The following ZNF880 variants were observed in gnomAD, a reference collection of about 807,000 sequenced individuals.
The protein encoded by ZNF880 is zinc finger protein LOC400713.
Under a neutral mutation model 11.8 loss-of-function variants are expected in ZNF880, and 12 were observed. That is an observed-to-expected ratio of 1.02 (90% CI 0.65 to 1.65). The LOEUF (loss-of-function observed/expected upper bound fraction) is 1.65. Among genes scored for constraint, ZNF880 ranks in the 40% most tolerant of loss-of-function variants. The pLI is 0.00. For missense variants in ZNF880, 601 were observed against 673.9 expected (o/e 0.89, Z 1.20); for synonymous variants, 210 against 232.4 (o/e 0.90, Z 0.88).
chr19:52,384,284 C>G lies in ZNF880; in HGVS notation c.704C>G (p.Thr235Ser). ...SNLVQHQRIH[T>S]GEKPYKCHEC... ...CTTGTACAACATCAAAGAATTCATACTGGAGAGAAGCCTTACAAGTGTCAT... is the reference window on the plus strand; with the variant it reads ...CTTGTACAACATCAAAGAATTCATAGTGGAGAGAAGCCTTACAAGTGTCAT... The change falls in exon 4 of 4, where the codon ACT (threonine) becomes AGT (serine). Residue 235 changes from threonine (T) to serine (S), a missense_variant. Transcript: ENST00000422689. 1 of 1,610,674 alleles carries G rather than the reference C, an allele frequency of 6.2e-7. No homozygotes were observed. Among genetic ancestry groups the G allele is most frequent in the African/African-American group, 1.3e-5 (1 of 74,130 alleles).
chr19:52,382,555 C>T (rs1600251047), intron 3 of ZNF880, among the ~76,000 whole-genome samples: 1 of 151,956 alleles, frequency 6.6e-6, no homozygotes, highest in South Asian at 2.1e-4. Context: ...ATATAGTATT[C>T]TTGGTTGATA....
At position 52,385,688 on chromosome 19, in the gene ZNF880, T is replaced by C; in HGVS notation, c.*374T>C. 5.4e-6 allele frequency: 1 copy of C among 185,074 alleles called. No individual in the cohort carries two copies. The highest frequency in any genetic ancestry group is 1.2e-4 in the South Asian group (1 of 8,270). The allele number at this position is 185,074 out of a possible 1,614,324, so 11.5% of individuals were successfully genotyped here. A position where few individuals can be genotyped will look rare whatever the true frequency, so the allele number is the denominator to read the frequency against. ...GCTGCAGAAAAGTCACAGCTCCAAA[T>C]ACGTTGAATCTCATGACGCGATGCA... On this transcript the variant is annotated 3_prime_UTR_variant, in exon 4 of 4. Transcript: ENST00000422689.
chr19:52,376,433 CAT>C (rs1227849360), intron 3 of ZNF880, among the ~76,000 whole-genome samples: 1 of 147,574 alleles, frequency 6.8e-6, no homozygotes, highest in Non-Finnish European at 1.5e-5. Context: ...AGTCTTTCTT[CAT>C]ATGTTTGTTG....
Position 52,385,423 on chromosome 19 carries a change from G to C in ZNF880, c.*109G>C, listed in dbSNP as rs904537401. 6.5e-6 allele frequency: 8 copies of C among 1,221,804 alleles called. No homozygotes were observed. In the Admixed American group the frequency reaches 1.0e-4, roughly 16 times the overall value. 75.7% of individuals were successfully genotyped at this position (1,221,804 alleles called of 1,614,324 possible). A position where few individuals can be genotyped will look rare whatever the true frequency, so the allele number is the denominator to read the frequency against. ...GAGTATGGCAAACTCTTCATGCTAAGTTCTAGCATTAATCAACATCAGAGA... is the reference window on the plus strand; with the variant it reads ...GAGTATGGCAAACTCTTCATGCTAACTTCTAGCATTAATCAACATCAGAGA... On this transcript the variant is annotated 3_prime_UTR_variant, in exon 4 of 4. Transcript: ENST00000422689.
chr19:52,383,131 A>T (rs1356958826), intron 3 of ZNF880, among the ~76,000 whole-genome samples: 4 of 152,148 alleles, frequency 2.6e-5, no homozygotes, highest in African/African-American at 9.7e-5. Flanking sequence ...TTTTGGTTTT[A>T]GTAGTTTCTC....
chr19:52,374,687 C>G, intron 3 of ZNF880: 1 of 623,240 alleles, frequency 1.6e-6, no homozygotes, highest in East Asian at 2.7e-5. Flanking sequence ...TGAGAGAATT[C>G]TTTGGGAAAA....
At chr19:52,397,008 T>A in the ZNF880 span, 1 of 152,134 alleles carries the variant, frequency 6.6e-6, no homozygotes, top group East Asian at 1.9e-4. Flanking sequence ...GGCAAGAGAA[T>A]CACTTGAACC....
upstream of ZNF880, among the ~76,000 whole-genome samples, chr19:52,368,973 CAAAAAAAAAAAAAAA>C (rs3029482): frequency 2.8e-5 from 2 of 71,856 alleles, no homozygotes; most frequent in East Asian, 9.6e-4. Context: ...GAGACCATCT[CAAAAAAAAAAAAAAA>C]AAAAAAAAAA....
At chr19:52,396,233 G>C in the ZNF880 span, 1 of 150,352 alleles carries the variant, frequency 6.7e-6, no homozygotes. Context: ...GCCTCCCAAA[G>C]TATTGGGATT....
chr19:52,368,336 T>G (rs1023666654), upstream of ZNF880, among the ~76,000 whole-genome samples: 5 of 152,192 alleles, frequency 3.3e-5, no homozygotes, highest in Non-Finnish European at 7.3e-5. Context: ...GAATTTTGTT[T>G]TGGTACATTA....
intron 1 of ZNF880, among the ~76,000 whole-genome samples, chr19:52,372,774 G>A (rs1388589406): frequency 6.6e-6 from 1 of 150,494 alleles, no homozygotes; most frequent in African/African-American, 2.4e-5. Context: ...GCTGGGCGTG[G>A]TGGCGGGCGC....
intron 2 of ZNF880, among the ~76,000 whole-genome samples, chr19:52,373,668 AATTTT>A: frequency 9.8e-6 from 1 of 101,576 alleles, no homozygotes; most frequent in African/African-American, 4.7e-5. Flanking sequence ...GAAATACTGT[AATTTT>A]TTTTTTTTTT....
chr19:52,384,331 C>G lies in ZNF880; in HGVS notation c.751C>G (p.Arg251Gly). The change falls in exon 4 of 4, where the codon CGA becomes GGA. Residue 251 changes from arginine to glycine, a missense_variant. Coordinates refer to ENST00000422689, the MANE Select transcript of ZNF880 (RefSeq NM_001145434.2). Reference protein sequence around the residue: ...KCHECGKLFNRISLLARHQRI... With the variant: ...KCHECGKLFNGISLLARHQRI... ...TCATGAATGTGGCAAGCTCTTCAAT[C>G]GAATTTCACTCCTTGCACGACATCA... 6.7e-7 allele frequency: 1 copy of G among 1,487,820 alleles called. No homozygotes were observed. The highest frequency in any genetic ancestry group is 9.0e-7 in the Non-Finnish European group (1 of 1,106,392). 92.2% of individuals were successfully genotyped at this position (1,487,820 alleles called of 1,614,324 possible).
intron 1 of ZNF880, among the ~76,000 whole-genome samples, chr19:52,371,796 A>G (rs909200722): frequency 1.3e-5 from 2 of 152,188 alleles, no homozygotes; most frequent in Admixed American, 1.3e-4. Flanking sequence ...TGTCTCTTCA[A>G]TAGGATGGGA....
At chr19:52,393,930 G>A in the ZNF880 span, among the ~76,000 whole-genome samples, 9 of 144,340 alleles carry the variant, frequency 6.2e-5, no homozygotes, top group African/African-American at 2.0e-4. Context: ...TCCGCCTCCT[G>A]AGTTCACGCC....
At chr19:52,381,580 C>T (rs1986705771) in intron 3 of ZNF880, among the ~76,000 whole-genome samples, 1 of 152,086 alleles carries the variant, frequency 6.6e-6, no homozygotes, top group Non-Finnish European at 1.5e-5. Flanking sequence ...GAATATCAAA[C>T]ATAGTAACTA....
At chr19:52,397,414 C>G in the ZNF880 span, 2 of 152,120 alleles carry the variant, frequency 1.3e-5, no homozygotes, top group Non-Finnish European at 2.9e-5. Context: ...TGTGTTAATT[C>G]AATTCCTAAA....
the ZNF880 span, among the ~76,000 whole-genome samples, chr19:52,394,214 T>C: frequency 2.6e-5 from 4 of 152,064 alleles, no homozygotes. Context: ...TGCAAATTGC[T>C]AGTGTATAGA....
chr19:52,384,958 G>A lies in ZNF880; in HGVS notation c.1378G>A (p.Gly460Arg), dbSNP rs765845786. ...SLSNHQRFHT[G>R]EKPYRCDECG... ...AAGCAATCATCAGAGATTTCATACT[G>A]GAGAGAAACCTTACAGATGTGATGA... is the stretch of plus-strand genomic sequence containing the variant. Residue 460 changes from glycine (G) to arginine (R), a missense_variant, in exon 4 of 4, where the codon GGA becomes AGA. Around this residue, in one of 3 missense-constraint regions of ZNF880, gnomAD observed 177 missense variants for 214.5 expected, o/e 0.83. Transcript: ENST00000422689. 23 of 1,571,884 alleles carry A rather than the reference G, an allele frequency of 1.5e-5. No individual in the cohort carries two copies. The highest frequency in any genetic ancestry group is 1.8e-5 in the Non-Finnish European group (21 of 1,157,694).
Sources: allele counts gnomAD v4.1 joint callset (sites outside exome capture counted in the v4.1 genomes callset), GRCh38; gene constraint gnomAD v4.1.1; regional missense constraint gnomAD v4.1.1; transcripts MANE v1.5; gene names NCBI Gene and HGNC (gene_info 2026-07-23, HGNC 2026-07-21).